The following PTPRD variants were observed in gnomAD, a reference collection of about 807,000 sequenced individuals.
PTPRD encodes the protein protein tyrosine phosphatase receptor type D.
In PTPRD, 34 loss-of-function variants were observed where a neutral mutation model predicts 214.5. The observed-to-expected ratio is 0.16, with a 90% CI of 0.12 to 0.21. The LOEUF is 0.21. Among genes scored for constraint, PTPRD ranks in the 10% least tolerant of loss-of-function variants. The pLI is 1.00. For synonymous variants in PTPRD, 1,128 were observed against 845.7 expected (o/e 1.33, Z -5.79); for missense variants, 2,545 against 2,398.7 (o/e 1.06, Z -1.27).
At chr9:8,989,626 G>GT (rs531215240) in intron 11 of PTPRD, among the ~76,000 whole-genome samples, 2 of 151,916 alleles carry the variant, frequency 1.3e-5, no homozygotes, top group South Asian at 2.1e-4. Flanking sequence ...CTGAATCTCG[G>GT]TTTTTTCATC....
At chr9:10,513,635 T>C (rs2049021544) in intron 2 of PTPRD, among the ~76,000 whole-genome samples, 1 of 152,170 alleles carries the variant, frequency 6.6e-6, no homozygotes, top group South Asian at 2.1e-4. Context: ...CCAAGTGATT[T>C]GACTTGGCTA....
At chr9:8,999,026 G>T (rs1345836539) in intron 11 of PTPRD, among the ~76,000 whole-genome samples, 1 of 152,062 alleles carries the variant, frequency 6.6e-6, no homozygotes, top group Admixed American at 6.6e-5. Context: ...TGCATTTTAT[G>T]CATGAGCCAA....
chr9:10,360,097 T>G (rs2097349720), intron 2 of PTPRD, among the ~76,000 whole-genome samples: 1 of 152,188 alleles, frequency 6.6e-6, no homozygotes, highest in Non-Finnish European at 1.5e-5. Context: ...ATATAACTAT[T>G]GTCATAATTT....
rs1182928386 is a variant in PTPRD, at chr9:10,522,374, A to C, written c.-600+90024T>G. On this transcript the variant is annotated intron_variant, in intron 2 of 45. Transcript: ENST00000381196. ...GTGGTGCTTATATATGATAATTCAG[A>C]ATTTGCACAAAGCTTTTGAGAGGTG... 2.0e-5 allele frequency among the ~76,000 whole-genome samples: 3 copies of C among 152,166 alleles called. No individual in the cohort carries two copies. In the East Asian group the frequency reaches 5.8e-4, roughly 29 times the overall value.
intron 4 of PTPRD, among the ~76,000 whole-genome samples, chr9:9,986,382 T>G (rs1435352337): frequency 6.6e-6 from 1 of 152,158 alleles, no homozygotes. Flanking sequence ...AGGTTATTGA[T>G]ATAATGGAAT....
Position 9,782,859 on chromosome 9 carries a change from G to C in PTPRD, c.-367-16008C>G, listed in dbSNP as rs113564956. 7.7e-4 allele frequency among the ~76,000 whole-genome samples: 117 copies of C among 152,268 alleles called. 2 individuals are homozygous for C. The highest frequency in any genetic ancestry group is 2.7e-3 in the African/African-American group (112 of 41,560). On this transcript the variant is annotated intron_variant, in intron 5 of 45. Coordinates refer to ENST00000381196, the MANE Select transcript of PTPRD (RefSeq NM_002839.4). ...AGTTCATCTTACTGTTTTGTGATTG[G>C]ATACATCTGCTTCCTTGGAATTTGT...
At chr9:9,451,503 C>A (rs1348119285) in intron 8 of PTPRD, among the ~76,000 whole-genome samples, 3 of 151,570 alleles carry the variant, frequency 2.0e-5, no homozygotes, top group Non-Finnish European at 4.4e-5. Context: ...GGACAAAATG[C>A]AACTTCAATA....
At chr9:9,966,382 G>A (rs996889186) in intron 4 of PTPRD, among the ~76,000 whole-genome samples, 4 of 152,048 alleles carry the variant, frequency 2.6e-5, no homozygotes, top group Admixed American at 2.6e-4. Context: ...TTCTTTCAAA[G>A]TAAATTTTAC....
In PTPRD at chr9:9,478,837, T is replaced by C. The variant is rs141948194; in HGVS notation, c.-236-81355A>G. ...CCTCAGAATTCTGCTCTGTTGGAGG[T>C]AGTTCAAGGGTGCAAGTGAGTTCCA... is the stretch of plus-strand genomic sequence containing the variant. On this transcript the variant is annotated intron_variant, in intron 8 of 45. Coordinates refer to ENST00000381196, the MANE Select transcript of PTPRD (RefSeq NM_002839.4). 2.5e-3 allele frequency among the ~76,000 whole-genome samples: 383 copies of C among 152,276 alleles called. 1 individual carries two copies. Among genetic ancestry groups the C allele is most frequent in the African/African-American group, 8.6e-3 (356 of 41,562 alleles).
intron 9 of PTPRD, among the ~76,000 whole-genome samples, chr9:9,381,619 C>G (rs1398880278): frequency 1.3e-5 from 2 of 152,012 alleles, no homozygotes; most frequent in Non-Finnish European, 2.9e-5. Flanking sequence ...TCCCAAAGTG[C>G]TGAGATTACA....
intron 7 of PTPRD, among the ~76,000 whole-genome samples, chr9:9,606,807 A>G (rs2094184667): frequency 6.6e-6 from 1 of 151,694 alleles, no homozygotes; most frequent in Admixed American, 6.6e-5. Flanking sequence ...AGCACCTAAG[A>G]CAATAAATGA....
At chr9:9,054,375 T>G (rs1241588336) in intron 10 of PTPRD, among the ~76,000 whole-genome samples, 2 of 152,212 alleles carry the variant, frequency 1.3e-5, no homozygotes, top group Non-Finnish European at 2.9e-5. Flanking sequence ...CTGGAAAGCT[T>G]AAAATTTTTT....
At chr9:8,466,281 G>C (rs1483029614) in intron 31 of PTPRD, among the ~76,000 whole-genome samples, 1 of 151,822 alleles carries the variant, frequency 6.6e-6, no homozygotes, top group Non-Finnish European at 1.5e-5. Context: ...TAGGCAATTA[G>C]GGTGCACTTC....
chr9:9,130,002 A>T (rs991722292), intron 10 of PTPRD, among the ~76,000 whole-genome samples: 1 of 152,180 alleles, frequency 6.6e-6, no homozygotes, highest in Non-Finnish European at 1.5e-5. Flanking sequence ...TTAAGCACTT[A>T]AGAGTGCCTG....
chr9:10,255,644 A>C (rs2154372027), intron 3 of PTPRD, among the ~76,000 whole-genome samples: 1 of 152,266 alleles, frequency 6.6e-6, no homozygotes, highest in African/African-American at 2.4e-5. Context: ...TTCAATAATA[A>C]ACTTAGCTTA....
chr9:10,382,253 A>G (rs2097840912), intron 2 of PTPRD, among the ~76,000 whole-genome samples: 1 of 151,972 alleles, frequency 6.6e-6, no homozygotes, highest in Non-Finnish European at 1.5e-5. Context: ...TAGGCATTTA[A>G]AGCCTTTCTT....
At chr9:8,712,151 CAAATG>C (rs1476792906) in intron 12 of PTPRD, among the ~76,000 whole-genome samples, 1 of 152,102 alleles carries the variant, frequency 6.6e-6, no homozygotes, top group African/African-American at 2.4e-5. Flanking sequence ...CAGAGTGTGA[CAAATG>C]AAATAACTGT....
intron 10 of PTPRD, among the ~76,000 whole-genome samples, chr9:9,163,897 C>T (rs2099895881): frequency 6.6e-6 from 1 of 152,112 alleles, no homozygotes; most frequent in Admixed American, 6.6e-5. Flanking sequence ...TTTAGCACCC[C>T]TCTTTTCTAT....
chr9:9,935,342 C>A (rs543576982), intron 5 of PTPRD, among the ~76,000 whole-genome samples: 4 of 152,156 alleles, frequency 2.6e-5, no homozygotes, highest in African/African-American at 9.6e-5. Context: ...TCGTCTCAGC[C>A]CAAAATCTCC....
Sources: allele counts gnomAD v4.1 joint callset (sites outside exome capture counted in the v4.1 genomes callset), GRCh38; gene constraint gnomAD v4.1.1; transcripts MANE v1.5; gene names NCBI Gene and HGNC (gene_info 2026-07-23, HGNC 2026-07-21).